Variants in TRHDE observed in about 807,000 individuals in gnomAD.
TRHDE encodes thyrotropin releasing hormone degrading enzyme.
A neutral mutation model predicts 125.7 loss-of-function variants in TRHDE; 72 were observed. That is an observed-to-expected ratio of 0.57 (90% CI 0.47 to 0.70). The LOEUF is 0.70. Ranked by LOEUF, TRHDE falls within the 30% of genes least tolerant of loss-of-function variation. The pLI is 0.00. For synonymous variants in TRHDE, 509 were observed against 509.1 expected, an observed-to-expected ratio of 1.00 and a Z score of 0.00; for missense variants, 1,110 against 1,327.1, an observed-to-expected ratio of 0.84 and a Z score of 2.54.
In TRHDE at chr12:72,375,759, T is replaced by C. The variant is rs143468640; in HGVS notation, c.1189-2236T>C. 7.0e-3 allele frequency among the ~76,000 whole-genome samples: 1,059 copies of C among 152,340 alleles called. 10 individuals carry two copies. Among genetic ancestry groups the C allele is most frequent in the African/African-American group, 0.024 (985 of 41,594 alleles). On this transcript the variant is annotated intron_variant, in intron 2 of 18. Coordinates refer to ENST00000261180, the MANE Select transcript of TRHDE (RefSeq NM_013381.3). The stretch of plus-strand genomic sequence containing the variant: ...AGAAGGTCTTTGAGAGTGGTGATTG[T>C]ATCTTCATTGCTTTTTATCTCAATA...
At chr12:72,225,495 T>A (rs1878111447) in intron 2 of TRHDE, among the ~76,000 whole-genome samples, 1 of 152,146 alleles carries the variant, frequency 6.6e-6, no homozygotes, top group Non-Finnish European at 1.5e-5. Context: ...GAGTAGGTAA[T>A]GGGAGGATGA....
chr12:72,447,255 C>A (rs1271283910), intron 3 of TRHDE, among the ~76,000 whole-genome samples: 1 of 152,092 alleles, frequency 6.6e-6, no homozygotes, highest in Non-Finnish European at 1.5e-5. Flanking sequence ...ACAACCTGCT[C>A]CTGAATGGCT....
At chr12:72,322,396 G>A (rs1869137222) in intron 2 of TRHDE, among the ~76,000 whole-genome samples, 1 of 152,056 alleles carries the variant, frequency 6.6e-6, no homozygotes, top group East Asian at 1.9e-4. Flanking sequence ...CAAGAAGGCT[G>A]CCATATACTT....
At chr12:72,450,168 T>TGTACTATATTCTGAATATA (rs1186671306) in intron 3 of TRHDE, among the ~76,000 whole-genome samples, 1 of 152,084 alleles carries the variant, frequency 6.6e-6, no homozygotes, top group Non-Finnish European at 1.5e-5. Flanking sequence ...TTAATAGCAA[T>TGTACTATATTCTGAATATA]GTACTATATT....
intron 1 of TRHDE, among the ~76,000 whole-genome samples, chr12:72,094,595 G>A (rs1269662332): frequency 1.3e-5 from 2 of 152,254 alleles, no homozygotes; most frequent in Admixed American, 1.3e-4. Context: ...GTAGCTGAGA[G>A]GGGCTGGAGC....
At chr12:72,240,145 C>T (rs1878445492) in intron 2 of TRHDE, among the ~76,000 whole-genome samples, 1 of 151,746 alleles carries the variant, frequency 6.6e-6, no homozygotes, top group Non-Finnish European at 1.5e-5. Context: ...CTTAAAGTTT[C>T]TTTCACCTTT....
chr12:72,312,139 T>C (rs1868573941), intron 2 of TRHDE, among the ~76,000 whole-genome samples: 1 of 152,168 alleles, frequency 6.6e-6, no homozygotes, highest in African/African-American at 2.4e-5. Flanking sequence ...AAGGAGCTTG[T>C]CCAGGGTCAC....
chr12:72,303,787 G>C (rs923983613), intron 2 of TRHDE, among the ~76,000 whole-genome samples: 6 of 152,100 alleles, frequency 3.9e-5, no homozygotes, highest in Admixed American at 1.3e-4. Flanking sequence ...TGCAGACTAT[G>C]TTGGGAAATA....
chr12:72,187,083 T>G (rs1423286410), intron 2 of TRHDE, among the ~76,000 whole-genome samples: 2 of 152,078 alleles, frequency 1.3e-5, no homozygotes, highest in Non-Finnish European at 2.9e-5. Context: ...AGAAACAGAA[T>G]TTTGACATTC....
intron 3 of TRHDE, among the ~76,000 whole-genome samples, chr12:72,414,303 G>T (rs1290968390): frequency 6.6e-6 from 1 of 152,056 alleles, no homozygotes; most frequent in African/African-American, 2.4e-5. Context: ...TCAGAGCCCA[G>T]GAACACCTTT....
At chr12:72,508,918 A>G (rs1028146992) in intron 6 of TRHDE, among the ~76,000 whole-genome samples, 1 of 152,054 alleles carries the variant, frequency 6.6e-6, no homozygotes, top group African/African-American at 2.4e-5. Context: ...TGCTCCAGCC[A>G]TGTAAGATGT....
intron 15 of TRHDE, among the ~76,000 whole-genome samples, chr12:72,630,331 A>G (rs956500901): frequency 4.6e-5 from 7 of 151,810 alleles, no homozygotes; most frequent in African/African-American, 7.2e-5. Context: ...GTAGTCAGAG[A>G]GAGATACCGG....
chr12:72,354,414 G>A (rs1410807857), intron 2 of TRHDE, among the ~76,000 whole-genome samples: 3 of 151,242 alleles, frequency 2.0e-5, no homozygotes, highest in African/African-American at 7.3e-5. Context: ...CAGACCACTG[G>A]TAAAAGTATA....
At chr12:72,611,031 GAGAA>G (rs1872614121) in intron 12 of TRHDE, 1 of 156,864 alleles carries the variant, frequency 6.4e-6, no homozygotes, top group African/African-American at 2.4e-5. Context: ...GCACCTGGAA[GAGAA>G]AGACTTAGTG....
chr12:72,562,117 G>T, intron 7 of TRHDE, 48 bp from the exon 8 acceptor site: 1 of 834,146 alleles, frequency 1.2e-6, no homozygotes. Flanking sequence ...GTGTTTACTA[G>T]TTACTGTTTA....
chr12:72,172,231 A>C (rs572679262), intron 2 of TRHDE, among the ~76,000 whole-genome samples: 17 of 152,170 alleles, frequency 1.1e-4, no homozygotes, highest in Non-Finnish European at 2.1e-4. Flanking sequence ...GGTTCAACTG[A>C]AGTTGGTTAA....
At chr12:72,614,153 C>A (rs945075511) in intron 12 of TRHDE, among the ~76,000 whole-genome samples, 1 of 151,790 alleles carries the variant, frequency 6.6e-6, no homozygotes, top group African/African-American at 2.4e-5. Context: ...ACACCTCCCA[C>A]CAGGCCCCAC....
intron 12 of TRHDE, among the ~76,000 whole-genome samples, chr12:72,612,217 G>A (rs1298802437): frequency 6.6e-6 from 1 of 152,120 alleles, no homozygotes; most frequent in Non-Finnish European, 1.5e-5. Context: ...TCTAGAATCT[G>A]TCAACCTGTT....
chr12:72,388,339 T>C (rs1872512594), intron 3 of TRHDE, among the ~76,000 whole-genome samples: 1 of 152,194 alleles, frequency 6.6e-6, no homozygotes, highest in South Asian at 2.1e-4. Flanking sequence ...GTTTTGTTTA[T>C]GTATTATTTA....
Sources: allele counts gnomAD v4.1 joint callset (sites outside exome capture counted in the v4.1 genomes callset), GRCh38; gene constraint gnomAD v4.1.1; transcripts MANE v1.5; gene names NCBI Gene and HGNC (gene_info 2026-07-23, HGNC 2026-07-21).